FHIT: variants seen among roughly 807,000 people sequenced by gnomAD.
FHIT encodes the protein bis(5'-adenosyl)-triphosphatase.
FHIT carries 19 observed loss-of-function variants against 17.9 expected under a neutral mutation model. The ratio of observed to expected loss-of-function variants is 1.06; its 90% CI spans 0.74 to 1.56. The LOEUF (loss-of-function observed/expected upper bound fraction) is 1.56. Among genes scored for constraint, FHIT ranks in the 40% most tolerant of loss-of-function variants. The pLI is 0.00. For synonymous variants in FHIT, 81 were observed against 69.7 expected, an observed-to-expected ratio of 1.16 and a Z score of -0.81; for missense variants, 248 against 189.2, an observed-to-expected ratio of 1.31 and a Z score of -1.82.
At chr3:60,933,500 T>A (rs1486251914) in intron 3 of FHIT, among the ~76,000 whole-genome samples, 1 of 152,208 alleles carries the variant, frequency 6.6e-6, no homozygotes, top group Non-Finnish European at 1.5e-5. Context: ...CTTGCTACAT[T>A]TTAAAAGCTC....
At chr3:60,598,231 A>C (rs2038332436) in intron 4 of FHIT, among the ~76,000 whole-genome samples, 1 of 152,150 alleles carries the variant, frequency 6.6e-6, no homozygotes, top group South Asian at 2.1e-4. Context: ...TAATGGATAC[A>C]GCTGAATAAA....
intron 5 of FHIT, among the ~76,000 whole-genome samples, chr3:60,116,456 T>C (rs1214813554): frequency 1.3e-5 from 2 of 152,136 alleles, no homozygotes; most frequent in African/African-American, 4.8e-5. Flanking sequence ...CCTCTTTTCT[T>C]GCTTCTCCAT....
At chr3:61,034,993 T>A (rs1052163383) in intron 3 of FHIT, among the ~76,000 whole-genome samples, 10 of 152,186 alleles carry the variant, frequency 6.6e-5, no homozygotes, top group African/African-American at 2.4e-4. Flanking sequence ...ATACATCTTA[T>A]AACCTGGGTG....
chr3:61,022,859 C>T (rs2032526695), intron 3 of FHIT, among the ~76,000 whole-genome samples: 2 of 152,138 alleles, frequency 1.3e-5, no homozygotes, highest in South Asian at 4.1e-4. Flanking sequence ...ATAATAAGAG[C>T]TATTTATGAC....
chr3:59,928,932 T>G (rs1191773614), intron 7 of FHIT, among the ~76,000 whole-genome samples: 1 of 142,868 alleles, frequency 7.0e-6, no homozygotes, highest in East Asian at 2.0e-4. Context: ...GAGGTGGAAG[T>G]TGCAGTGAGC....
At chr3:60,838,340 T>C (rs782307358) in intron 3 of FHIT, among the ~76,000 whole-genome samples, 9 of 152,002 alleles carry the variant, frequency 5.9e-5, no homozygotes, top group Non-Finnish European at 1.2e-4. Flanking sequence ...GGCGTGGTGG[T>C]GGGCGCCTGT....
intron 5 of FHIT, among the ~76,000 whole-genome samples, chr3:60,071,739 T>C (rs182185720): frequency 6.6e-6 from 1 of 152,232 alleles, no homozygotes; most frequent in East Asian, 1.9e-4. Context: ...CCCACCCAAA[T>C]CTCATCTTGA....
chr3:59,878,640 G>C (rs1392842186), intron 8 of FHIT, among the ~76,000 whole-genome samples: 3 of 152,146 alleles, frequency 2.0e-5, no homozygotes, highest in Non-Finnish European at 2.9e-5. Context: ...ACAGCATGAG[G>C]AACACAGCCG....
intron 5 of FHIT, among the ~76,000 whole-genome samples, chr3:60,289,973 T>C (rs554853018): frequency 6.6e-5 from 10 of 152,230 alleles, no homozygotes; most frequent in Non-Finnish European, 8.8e-5. Context: ...TCTGAAGCTC[T>C]ATAGTTCATG....
intron 5 of FHIT, among the ~76,000 whole-genome samples, chr3:60,303,708 G>A (rs1708542095): frequency 6.6e-6 from 1 of 152,140 alleles, no homozygotes. Context: ...CCACCCCTTG[G>A]AGGTGAGCTG....
At chr3:60,429,272 T>C (rs1702787085) in intron 5 of FHIT, among the ~76,000 whole-genome samples, 1 of 152,056 alleles carries the variant, frequency 6.6e-6, no homozygotes, top group Non-Finnish European at 1.5e-5. Context: ...ACTGATTTCT[T>C]CCACTTATCA....
At chr3:60,531,561 A>G (rs1407853700) in intron 5 of FHIT, among the ~76,000 whole-genome samples, 1 of 152,158 alleles carries the variant, frequency 6.6e-6, no homozygotes, top group Non-Finnish European at 1.5e-5. Flanking sequence ...TACAGGCGTG[A>G]GCCACCGCGC....
intron 3 of FHIT, among the ~76,000 whole-genome samples, chr3:60,877,069 C>A (rs1338062333): frequency 2.0e-5 from 3 of 152,206 alleles, no homozygotes; most frequent in Non-Finnish European, 4.4e-5. Flanking sequence ...TCTTCACTGG[C>A]ACTAAGTCCA....
At chr3:60,825,245 T>C (rs914339718) in intron 3 of FHIT, among the ~76,000 whole-genome samples, 1 of 152,116 alleles carries the variant, frequency 6.6e-6, no homozygotes, top group Admixed American at 6.5e-5. Context: ...GGGACATATA[T>C]TAAATCAGTA....
At chr3:60,221,126 G>A (rs1703939623) in intron 5 of FHIT, among the ~76,000 whole-genome samples, 1 of 152,088 alleles carries the variant, frequency 6.6e-6, no homozygotes, top group African/African-American at 2.4e-5. Flanking sequence ...ATGTAACTGT[G>A]TATTCAGCTG....
intron 4 of FHIT, among the ~76,000 whole-genome samples, chr3:60,632,732 C>T (rs571491008): frequency 6.6e-6 from 1 of 152,072 alleles, no homozygotes; most frequent in Non-Finnish European, 1.5e-5. Flanking sequence ...AATCAACAAA[C>T]CTTAATGTAA....
chr3:60,377,717 G>A (rs924273912), intron 5 of FHIT, among the ~76,000 whole-genome samples: 8 of 151,386 alleles, frequency 5.3e-5, no homozygotes, highest in East Asian at 3.9e-4. Flanking sequence ...TCCTGACCTC[G>A]TGATCCACCC....
chr3:60,191,501 C>T (rs1320011836), intron 5 of FHIT, among the ~76,000 whole-genome samples: 1 of 152,162 alleles, frequency 6.6e-6, no homozygotes, highest in African/African-American at 2.4e-5. Context: ...ACATTGCTCA[C>T]ATACAAAACC....
In FHIT at chr3:60,014,992, C is replaced by T. The variant is rs1559550515; in HGVS notation, c.104-840G>A. Among the ~76,000 whole-genome samples the T allele has an allele frequency of 6.6e-5, 10 of 152,244 alleles. No individual in the cohort carries two copies. In the South Asian group the frequency reaches 2.1e-3, roughly 32 times the overall value. ...TACACCATCAATAACATTTCAGTCA[C>T]TATACACACATGTATGCACACATGT... On this transcript the variant is annotated intron_variant, in intron 5 of 9. Coordinates refer to ENST00000492590, the MANE Select transcript of FHIT (RefSeq NM_002012.4).
Sources: gnomAD v4.1 joint callset for allele counts (sites outside exome capture counted in the v4.1 genomes callset) on GRCh38, gnomAD v4.1.1 for gene constraint, MANE v1.5 for transcripts, NCBI Gene and HGNC (gene_info 2026-07-23, HGNC 2026-07-21) for gene names.